Variants in ZNF385B observed in about 807,000 individuals in gnomAD.
ZNF385B encodes the protein zinc finger protein 533.
ZNF385B carries 23 observed loss-of-function variants against 39.2 expected under a neutral mutation model. That is an observed-to-expected ratio of 0.59 (90% CI 0.42 to 0.83). The LOEUF (loss-of-function observed/expected upper bound fraction) is 0.83, where lower values mean the gene tolerates loss of function less well. Ranked by LOEUF, ZNF385B falls within the 40% of genes least tolerant of loss-of-function variation. The probability of loss-of-function intolerance (pLI) is 0.00; values close to 1 mark genes in which losing one functional copy is unlikely to be tolerated. For missense variants in ZNF385B, 552 were observed against 598.9 expected, an observed-to-expected ratio of 0.92 and a Z score of 0.82; for synonymous variants, 205 against 222.6, an observed-to-expected ratio of 0.92 and a Z score of 0.70.
chr2:179,820,853 G>C (rs151239211), intron 1 of ZNF385B, among the ~76,000 whole-genome samples: 1 of 152,188 alleles, frequency 6.6e-6, no homozygotes, highest in East Asian at 1.9e-4. Context: ...TCAGAAAAAG[G>C]AGTTTTGTAA....
intron 3 of ZNF385B, among the ~76,000 whole-genome samples, chr2:179,723,645 G>A (rs951167486): frequency 6.6e-6 from 1 of 152,072 alleles, no homozygotes; most frequent in Non-Finnish European, 1.5e-5. Flanking sequence ...AGAAAAGCAA[G>A]AGAATAATTA....
At chr2:179,849,967 C>G (rs907124068) in intron 1 of ZNF385B, among the ~76,000 whole-genome samples, 9 of 152,206 alleles carry the variant, frequency 5.9e-5, no homozygotes, top group African/African-American at 2.2e-4. Context: ...CCACAGAGCT[C>G]AACCCTTGTG....
intron 3 of ZNF385B, among the ~76,000 whole-genome samples, chr2:179,752,288 T>C (rs1458099297): frequency 1.3e-5 from 2 of 152,364 alleles, no homozygotes; most frequent in East Asian, 3.9e-4. Context: ...GGCTGCATAG[T>C]ATTCCATGGT....
At chr2:179,791,023 T>C (rs1705293784) in intron 1 of ZNF385B, among the ~76,000 whole-genome samples, 2 of 152,206 alleles carry the variant, frequency 1.3e-5, no homozygotes. Context: ...AGTGCTCCTG[T>C]CAGTTCTGGG....
At chr2:179,483,994 G>T (rs1220986802) in intron 5 of ZNF385B, among the ~76,000 whole-genome samples, 1 of 152,150 alleles carries the variant, frequency 6.6e-6, no homozygotes, top group African/African-American at 2.4e-5. Flanking sequence ...GATGATTCCA[G>T]TTACAAGAAC....
At chr2:179,711,881 AT>A (rs747336802) in intron 3 of ZNF385B, among the ~76,000 whole-genome samples, 1,425 of 90,912 alleles carry the variant, frequency 0.016, 18 homozygotes, top group African/African-American at 0.035. Flanking sequence ...TATAAACTGC[AT>A]TTTTTTTTTT....
intron 4 of ZNF385B, among the ~76,000 whole-genome samples, chr2:179,535,194 A>G (rs564161339): frequency 6.6e-6 from 1 of 152,308 alleles, no homozygotes; most frequent in South Asian, 2.1e-4. Context: ...TATATTTTCT[A>G]TAATACCACT....
chr2:179,516,838 TCTA>T (rs2058122772), intron 5 of ZNF385B, among the ~76,000 whole-genome samples: 1 of 150,006 alleles, frequency 6.7e-6, no homozygotes, highest in Non-Finnish European at 1.5e-5. Flanking sequence ...AAATAGATTT[TCTA>T]CTGTTTTCAT....
chr2:179,448,906 G>C (rs956963018), intron 6 of ZNF385B, among the ~76,000 whole-genome samples: 2 of 152,116 alleles, frequency 1.3e-5, no homozygotes, highest in East Asian at 3.9e-4. Flanking sequence ...TTTGGCGTAA[G>C]TGAAAATATC....
intron 5 of ZNF385B, among the ~76,000 whole-genome samples, chr2:179,485,614 T>C (rs1208889233): frequency 3.3e-5 from 5 of 152,192 alleles, no homozygotes; most frequent in Non-Finnish European, 7.3e-5. Flanking sequence ...CCAAATATTA[T>C]AGATGATATA....
At chr2:179,579,298 A>G (rs1191061000) in intron 3 of ZNF385B, among the ~76,000 whole-genome samples, 1 of 152,132 alleles carries the variant, frequency 6.6e-6, no homozygotes, top group Non-Finnish European at 1.5e-5. Context: ...TTATTAGCAT[A>G]TACTGAGTGT....
In ZNF385B at chr2:179,632,852, A is replaced by G. The variant is rs566549037; in HGVS notation, c.299-87883T>C. Among the ~76,000 whole-genome samples, 457 of 152,332 alleles carry G rather than the reference A, an allele frequency of 3.0e-3. 2 individuals carry two copies. The highest frequency in any genetic ancestry group is 0.011 in the African/African-American group (438 of 41,578). On this transcript the variant is annotated intron_variant, in intron 3 of 9. Transcript: ENST00000410066. ...GAGAGAAGAATCAAATAGACACAAT[A>G]AAAAATGATAAAGGGGATATCACCA...
At chr2:179,742,497 TTTA>T (rs1702142652) in intron 3 of ZNF385B, among the ~76,000 whole-genome samples, 1 of 152,082 alleles carries the variant, frequency 6.6e-6, no homozygotes, top group South Asian at 2.1e-4. Context: ...TAAAATATTA[TTTA>T]TTGTTTTAGC....
chr2:179,736,814 C>A (rs1701789774), intron 3 of ZNF385B, among the ~76,000 whole-genome samples: 1 of 151,910 alleles, frequency 6.6e-6, no homozygotes, highest in Non-Finnish European at 1.5e-5. Context: ...TACTAAAATA[C>A]AAAAAATTAG....
intron 3 of ZNF385B, among the ~76,000 whole-genome samples, chr2:179,722,716 AT>A (rs987840763): frequency 6.6e-5 from 10 of 152,132 alleles, no homozygotes; most frequent in African/African-American, 2.4e-4. Context: ...AGCAATAAAA[AT>A]ACTTGATTAT....
At chr2:179,704,682 A>G (rs1363063767) in intron 3 of ZNF385B, among the ~76,000 whole-genome samples, 1 of 152,204 alleles carries the variant, frequency 6.6e-6, no homozygotes, top group Non-Finnish European at 1.5e-5. Flanking sequence ...CAATGAGCAG[A>G]TGCCAGGGCC....
chr2:179,539,408 G>C (rs1206357637), intron 4 of ZNF385B, among the ~76,000 whole-genome samples: 3 of 152,140 alleles, frequency 2.0e-5, no homozygotes, highest in Non-Finnish European at 2.9e-5. Flanking sequence ...TGAATTTTGA[G>C]GGGACATAAA....
chr2:179,737,532 C>T (rs1701837873), intron 3 of ZNF385B, among the ~76,000 whole-genome samples: 1 of 152,094 alleles, frequency 6.6e-6, no homozygotes, highest in Non-Finnish European at 1.5e-5. Flanking sequence ...TAGGTTTTAA[C>T]TTTCAGACCC....
chr2:179,788,645 A>C (rs1424857968), intron 1 of ZNF385B, among the ~76,000 whole-genome samples: 1 of 152,168 alleles, frequency 6.6e-6, no homozygotes, highest in South Asian at 2.1e-4. Context: ...AAAGACAATG[A>C]TGAGAACAGG....
Sources: allele counts gnomAD v4.1 joint callset (sites outside exome capture counted in the v4.1 genomes callset), GRCh38; gene constraint gnomAD v4.1.1; transcripts MANE v1.5; gene names NCBI Gene and HGNC (gene_info 2026-07-23, HGNC 2026-07-21).